Variants in CCDC57 observed in about 807,000 individuals in gnomAD.
CCDC57 encodes the protein coiled-coil domain-containing protein 57.
In CCDC57, 118 loss-of-function variants were observed where a neutral mutation model predicts 118.9. That is an observed-to-expected ratio of 0.99 (90% CI 0.86 to 1.16). The LOEUF (loss-of-function observed/expected upper bound fraction) is 1.16, where lower values mean the gene tolerates loss of function less well. Ranked by LOEUF, CCDC57 falls within the 50% of genes most tolerant of loss-of-function variation. The pLI, the probability that CCDC57 is intolerant of heterozygous loss-of-function variation, is 0.00. For missense variants in CCDC57, 1,300 were observed against 1,320.7 expected, an observed-to-expected ratio of 0.98 and a Z score of 0.24; for synonymous variants, 527 against 532.9, an observed-to-expected ratio of 0.99 and a Z score of 0.15.
In CCDC57 at chr17:82,132,759, C is replaced by CTTTTT. The variant is rs71166188; in HGVS notation, c.2577+1309_2577+1313dup. ...TTATCTTTCTGTAGAGACAACCTTG[C>CTTTTT]TTTTTTTTTTTTTTTTTTGAGACGG... On this transcript the variant is annotated intron_variant, in intron 17 of 19. Coordinates refer to ENST00000665763, the Ensembl canonical transcript of CCDC57. Among the ~76,000 whole-genome samples, 30 of 123,922 alleles carry CTTTTT rather than the reference C, an allele frequency of 2.4e-4. 8 individuals carry two copies. Among genetic ancestry groups the CTTTTT allele is most frequent in the Admixed American group, 3.4e-4 (4 of 11,674 alleles). 81.3% of individuals were successfully genotyped at this position (123,922 alleles called of 152,430 possible).
intron 19 of CCDC57, among the ~76,000 whole-genome samples, chr17:82,115,302 G>A (rs961669413): frequency 8.2e-5 from 12 of 146,628 alleles, no homozygotes; most frequent in African/African-American, 3.2e-4. Context: ...GGGGGCAAGA[G>A]GGGGCAAGAG....
In CCDC57 at chr17:82,138,649, ATGGCCTGCCCCGGGTCGGAAGAGACGCG is replaced by A. The variant is rs548848327; in HGVS notation, c.2456-4483_2456-4456del. On this transcript the variant is annotated intron_variant, in intron 16 of 19. Coordinates refer to ENST00000665763, the Ensembl canonical transcript of CCDC57. Reference sequence around the variant, plus strand: ...AAGACTGCCGAGTCGGAAGAGACGCATGGCCTGCCCCGGGTCGGAAGAGACGCGTGGCCTGCCCCGGGTCGGAAGAGAC... The same window carrying A: ...AAGACTGCCGAGTCGGAAGAGACGCATGGCCTGCCCCGGGTCGGAAGAGAC... Among the ~76,000 whole-genome samples, 204 of 135,040 alleles carry A rather than the reference ATGGCCTGCCCCGGGTCGGAAGAGACGCG, an allele frequency of 1.5e-3. 2 individuals carry two copies. In the South Asian group the frequency reaches 0.026, roughly 17 times the overall value. 88.6% of individuals were successfully genotyped at this position (135,040 alleles called of 152,430 possible). A position where few individuals can be genotyped will look rare whatever the true frequency, so the allele number is the denominator to read the frequency against.
intron 2 of CCDC57, among the ~76,000 whole-genome samples, chr17:82,204,739 C>A (rs903555729): frequency 3.3e-5 from 5 of 152,046 alleles, no homozygotes; most frequent in Non-Finnish European, 5.9e-5. Flanking sequence ...GCTGAGATCG[C>A]ACCACTGCAG....
At chr17:82,182,972 C>T (rs1568394610) in intron 9 of CCDC57, among the ~76,000 whole-genome samples, 1 of 152,208 alleles carries the variant, frequency 6.6e-6, no homozygotes, top group Non-Finnish European at 1.5e-5. Flanking sequence ...AGGCGTGAGC[C>T]ATCACACCCG....
At chr17:82,191,346 C>T (rs1180129673) in intron 7 of CCDC57, among the ~76,000 whole-genome samples, 1 of 152,166 alleles carries the variant, frequency 6.6e-6, no homozygotes, top group Non-Finnish European at 1.5e-5. Flanking sequence ...GCTCCCATCA[C>T]TCACGCCTGC....
At chr17:82,150,894 C>T (rs1598943411) in intron 16 of CCDC57, among the ~76,000 whole-genome samples, 2 of 99,244 alleles carry the variant, frequency 2.0e-5, no homozygotes, top group South Asian at 4.6e-4. Context: ...GAACCTGACC[C>T]ACACCCAGAA....
intron 16 of CCDC57, among the ~76,000 whole-genome samples, chr17:82,140,423 GCTGGT>G (rs2039864560): frequency 1.3e-5 from 2 of 151,932 alleles, no homozygotes; most frequent in African/African-American, 4.8e-5. Context: ...GTTTCACCAT[GCTGGT>G]CAGGCTGGTC....
At chr17:82,189,071 A>T (rs1300789438) in intron 7 of CCDC57, among the ~76,000 whole-genome samples, 1 of 152,170 alleles carries the variant, frequency 6.6e-6, no homozygotes, top group Non-Finnish European at 1.5e-5. Context: ...GTTGAAGACC[A>T]CCAGCCTGGG....
At chr17:82,144,519 G>C (rs2040452701) in intron 16 of CCDC57, among the ~76,000 whole-genome samples, 1 of 152,150 alleles carries the variant, frequency 6.6e-6, no homozygotes, top group Non-Finnish European at 1.5e-5. Flanking sequence ...CCTTGTACCT[G>C]AGTCTGAGTA....
In CCDC57 at chr17:82,113,648, G is replaced by A. The variant is rs552566477; in HGVS notation, c.2900-11782C>T. 20 of 717,212 alleles carry A rather than the reference G, an allele frequency of 2.8e-5. No individual in the cohort carries two copies. The African/African-American group carries it at 3.0e-4, about 11-fold the overall frequency. The allele number at this position is 717,212 out of a possible 1,614,324, so 44.4% of individuals were successfully genotyped here. ...GTTTGGGTGAAGGGCTCCACTCCAC[G>A]CCAGGCTGGGCGTGGGGCCCACACC... On this transcript the variant is annotated intron_variant, in intron 19 of 19. Transcript: ENST00000665763.
chr17:82,192,990 G>A lies in CCDC57; in HGVS notation c.851+766C>T, dbSNP rs144743891. The stretch of plus-strand genomic sequence containing the variant: ...TGACCTCAAGTGATCCACCCACCTC[G>A]GCCTCCCAACATTCTGGGATTACAG... On this transcript the variant is annotated intron_variant, in intron 7 of 19. Coordinates refer to ENST00000665763, the Ensembl canonical transcript of CCDC57. This position sits in a 1 kb window ranked among gnomAD's most constrained non-coding sequence, Gnocchi z 4.0. Among the ~76,000 whole-genome samples the A allele has an allele frequency of 7.9e-3, 1,199 of 152,170 alleles. 18 individuals carry two copies. The highest frequency in any genetic ancestry group is 0.026 in the African/African-American group (1,100 of 41,516).
At chr17:82,195,751 C>T (rs1298973172) in intron 4 of CCDC57, among the ~76,000 whole-genome samples, 1 of 152,144 alleles carries the variant, frequency 6.6e-6, no homozygotes, top group African/African-American at 2.4e-5. Flanking sequence ...CTGACAAGCA[C>T]GTAAGACCCT....
At chr17:82,146,890 T>C (rs1283534085) in intron 16 of CCDC57, among the ~76,000 whole-genome samples, 2 of 152,118 alleles carry the variant, frequency 1.3e-5, no homozygotes, top group African/African-American at 2.4e-5. Context: ...AACAAACGTG[T>C]GTGCACACAC....
intron 17 of CCDC57, among the ~76,000 whole-genome samples, chr17:82,129,723 A>G (rs1247576024): frequency 6.6e-6 from 1 of 151,946 alleles, no homozygotes; most frequent in African/African-American, 2.4e-5. Context: ...TCTTTTCTGT[A>G]TTTGTATCTT....
chr17:82,105,950 G>A (rs1345656544), intron 19 of CCDC57, among the ~76,000 whole-genome samples: 4 of 152,230 alleles, frequency 2.6e-5, no homozygotes, highest in African/African-American at 4.8e-5. Context: ...TTCAGGCCCC[G>A]CCTGCTGGCC....
intron 18 of CCDC57, 144 bp from the exon 18 acceptor site, chr17:82,128,052 G>A: frequency 8.0e-7 from 1 of 1,257,644 alleles, no homozygotes; most frequent in South Asian, 1.5e-5. Flanking sequence ...GGATCACCCA[G>A]GAGAGGCAGC....
At chr17:82,125,566 G>A (rs545325512) in intron 19 of CCDC57, among the ~76,000 whole-genome samples, 12 of 150,548 alleles carry the variant, frequency 8.0e-5, no homozygotes, top group Non-Finnish European at 1.3e-4. Context: ...AGTAGAGACG[G>A]GGTTTCACCA....
chr17:82,145,745 T>C (rs1467514103), intron 16 of CCDC57: 2 of 427,988 alleles, frequency 4.7e-6, no homozygotes, highest in Non-Finnish European at 9.6e-6. Context: ...TGCTTCCCCC[T>C]GCAGGCCCCT....
chr17:82,103,550 C>T (rs981691222), intron 19 of CCDC57, among the ~76,000 whole-genome samples: 8 of 152,248 alleles, frequency 5.3e-5, no homozygotes, highest in African/African-American at 1.9e-4. Flanking sequence ...GAAGCTGGTC[C>T]TCTGACCAGG....
Sources: gnomAD v4.1 joint callset for allele counts (sites outside exome capture counted in the v4.1 genomes callset) on GRCh38, gnomAD v4.1.1 for gene constraint, Gnocchi (gnomAD v3.1) non-coding constraint, MANE v1.5 for transcripts, NCBI Gene and HGNC (gene_info 2026-07-23, HGNC 2026-07-21) for gene names.